TRAPPC10: variants seen among roughly 807,000 people sequenced by gnomAD.
TRAPPC10 encodes the protein trafficking protein particle complex subunit 10.
In TRAPPC10, 23 loss-of-function variants were observed where a neutral mutation model predicts 125.5. The ratio of observed to expected loss-of-function variants is 0.18; its 90% CI spans 0.13 to 0.26. The LOEUF (loss-of-function observed/expected upper bound fraction) is 0.26. Ranked by LOEUF, TRAPPC10 falls within the 10% of genes least tolerant of loss-of-function variation. The pLI is 1.00. For synonymous variants in TRAPPC10, 509 were observed against 518.0 expected (o/e 0.98, Z 0.24); for missense variants, 1,123 against 1,308.4 (o/e 0.86, Z 2.19).
chr21:44,059,899 T>C lies in TRAPPC10; in HGVS notation c.790+685T>C. On this transcript the variant is annotated intron_variant, in intron 6 of 22. Transcript: ENST00000291574. The surrounding 1 kb of genome is among the most constrained non-coding windows in gnomAD (Gnocchi z 4.4). ...GTATTCCTGGCTTGATTCCATTACC[T>C]GGTGTTGGACATTGGGTTCTTTTAT... is the stretch of plus-strand genomic sequence containing the variant. 5.3e-6 allele frequency: 1 copy of C among 188,022 alleles called. No individual in the cohort carries two copies. The highest frequency in any genetic ancestry group is 1.1e-5 in the Non-Finnish European group (1 of 91,452). 11.6% of individuals were successfully genotyped at this position (188,022 alleles called of 1,614,324 possible).
chr21:44,080,726 A>G (rs1425268603), intron 13 of TRAPPC10, among the ~76,000 whole-genome samples: 3 of 151,876 alleles, frequency 2.0e-5, no homozygotes, highest in Non-Finnish European at 2.9e-5. Flanking sequence ...TTTAGTAGAG[A>G]CAGTGTTTTG....
rs200168527 is a variant in TRAPPC10 at position 44,095,229 on chromosome 21, TTTTATTTA to T, written c.3168+1020_3168+1027del. The stretch of plus-strand genomic sequence containing the variant: ...CACCTGGCTAATTATTTTTATTTTA[TTTTATTTA>T]TTTATTTATTTATTTATTTATTTTC... On this transcript the variant is annotated intron_variant, in intron 20 of 22. Coordinates refer to ENST00000291574, the MANE Select transcript of TRAPPC10 (RefSeq NM_003274.5). Among the ~76,000 whole-genome samples the T allele has an allele frequency of 5.0e-4, 75 of 150,002 alleles. 1 individual carries two copies. The highest frequency in any genetic ancestry group is 2.7e-3 in the Admixed American group (40 of 15,064).
intron 7 of TRAPPC10, among the ~76,000 whole-genome samples, chr21:44,068,587 A>T (rs2036625013): frequency 6.6e-6 from 1 of 152,178 alleles, no homozygotes; most frequent in African/African-American, 2.4e-5. Context: ...GAGTTCCAAA[A>T]GGCAGTTGAG....
intron 7 of TRAPPC10, among the ~76,000 whole-genome samples, chr21:44,066,977 T>A (rs139229740): frequency 2.0e-5 from 3 of 152,366 alleles, no homozygotes; most frequent in African/African-American, 7.2e-5. Context: ...AGATACTTTC[T>A]TGAAGGCCAT....
At chr21:44,042,173 T>G (rs1345326110) in intron 3 of TRAPPC10, among the ~76,000 whole-genome samples, 1 of 152,188 alleles carries the variant, frequency 6.6e-6, no homozygotes, top group Non-Finnish European at 1.5e-5. Flanking sequence ...TCATTTGTAT[T>G]ATTTTCTTCT....
In TRAPPC10 at chr21:44,087,986, C is replaced by A; in HGVS notation, c.2769+58C>A. 1 of 1,459,188 alleles carries A rather than the reference C, an allele frequency of 6.9e-7. No homozygotes were observed. The highest frequency in any genetic ancestry group is 9.4e-7 in the Non-Finnish European group (1 of 1,062,220). 90.4% of individuals were successfully genotyped at this position (1,459,188 alleles called of 1,614,324 possible). A position where few individuals can be genotyped will look rare whatever the true frequency, so the allele number is the denominator to read the frequency against. On this transcript the variant is annotated intron_variant, in intron 17 of 22. Transcript: ENST00000291574. This position sits in a 1 kb window ranked among gnomAD's most constrained non-coding sequence, Gnocchi z 4.6. ...GGGGCGTCCGCCGCCCGCCTGCCTG[C>A]TGGGAAAGGCGATGTAGCGATGCCT... is the stretch of plus-strand genomic sequence containing the variant.
chr21:44,047,532 ATGTGTGTG>A (rs33940679), intron 3 of TRAPPC10, among the ~76,000 whole-genome samples: 9 of 142,824 alleles, frequency 6.3e-5, no homozygotes, highest in South Asian at 2.3e-4. Context: ...CTGGGGGAGT[ATGTGTGTG>A]TGTGTGTGTG....
intron 7 of TRAPPC10, among the ~76,000 whole-genome samples, chr21:44,066,546 C>T (rs1348343721): frequency 6.6e-6 from 1 of 152,152 alleles, no homozygotes; most frequent in Admixed American, 6.5e-5. Context: ...TCTAATTTTC[C>T]CTCCATTTAC....
chr21:44,059,553 C>T lies in TRAPPC10; in HGVS notation c.790+339C>T, dbSNP rs1308664014. ...AGAATCAGAGTGGACGTCCCTTTGC[C>T]TTCCATCCAGGGGTTATCTTTGGAA... On this transcript the variant is annotated intron_variant, in intron 6 of 22. Coordinates refer to ENST00000291574, the MANE Select transcript of TRAPPC10 (RefSeq NM_003274.5). The surrounding 1 kb of genome is among the most constrained non-coding windows in gnomAD (Gnocchi z 4.4). The T allele has an allele frequency of 1.4e-6, 1 of 723,040 alleles. No individual in the cohort carries two copies. The highest frequency in any genetic ancestry group is 2.6e-6 in the Non-Finnish European group (1 of 388,436). The allele number at this position is 723,040 out of a possible 1,614,324, so 44.8% of individuals were successfully genotyped here.
intron 3 of TRAPPC10, among the ~76,000 whole-genome samples, chr21:44,039,561 A>G (rs1282656540): frequency 6.6e-6 from 1 of 152,096 alleles, no homozygotes; most frequent in East Asian, 1.9e-4. Flanking sequence ...GCTGATAGGG[A>G]TGTGCCTTAG....
Position 44,082,652 on chromosome 21 carries a change from T to C in TRAPPC10, c.1724-136T>C. The stretch of plus-strand genomic sequence containing the variant: ...GGGGGGTGTGAAGATGGCAGGAGGC[T>C]GGGCTCAGCTGCTGTGCCCATCACT... On this transcript the variant is annotated intron_variant, in intron 13 of 22. Coordinates refer to ENST00000291574, the MANE Select transcript of TRAPPC10 (RefSeq NM_003274.5). The surrounding 1 kb of genome is among the most constrained non-coding windows in gnomAD (Gnocchi z 4.4). The C allele has an allele frequency of 3.3e-6, 3 of 921,474 alleles. No homozygotes were observed. The South Asian group carries it at 4.5e-5, about 14-fold the overall frequency. The allele number at this position is 921,474 out of a possible 1,614,324, so 57.1% of individuals were successfully genotyped here. A position where few individuals can be genotyped will look rare whatever the true frequency, so the allele number is the denominator to read the frequency against.
chr21:44,025,128 C>A (rs1247269226), intron 1 of TRAPPC10, among the ~76,000 whole-genome samples: 1 of 152,226 alleles, frequency 6.6e-6, no homozygotes, highest in Non-Finnish European at 1.5e-5. Flanking sequence ...TGTGGCCTTT[C>A]CGACGGGCCT....
At chr21:44,056,602 T>A (rs1169759326) in intron 5 of TRAPPC10, among the ~76,000 whole-genome samples, 1 of 152,142 alleles carries the variant, frequency 6.6e-6, no homozygotes, top group Admixed American at 6.5e-5. Context: ...CTGTAAAAAA[T>A]GATCATCTCA....
At chr21:44,047,794 TTAAG>T (rs2034960451) in intron 3 of TRAPPC10, among the ~76,000 whole-genome samples, 1 of 152,218 alleles carries the variant, frequency 6.6e-6, no homozygotes, top group Non-Finnish European at 1.5e-5. Context: ...TTTTTCTTAA[TTAAG>T]TATCTTCCAT....
intron 3 of TRAPPC10, among the ~76,000 whole-genome samples, chr21:44,048,797 GTTTTTTTTT>G (rs34892092): frequency 9.5e-6 from 1 of 105,612 alleles, no homozygotes; most frequent in Non-Finnish European, 1.9e-5. Flanking sequence ...CCCACCCTGT[GTTTTTTTTT>G]TTTTTTTTTT....
rs147874946 is a variant in TRAPPC10 at position 44,086,347 on chromosome 21, G to A, written c.2381-455G>A. ...AGGGGGAGCCACCTGACTGCTGACT[G>A]TTCTTAACCCAAAAGCCCGTGGCCT... On this transcript the variant is annotated intron_variant, in intron 15 of 22. Transcript: ENST00000291574. Among the ~76,000 whole-genome samples the A allele has an allele frequency of 3.0e-3, 456 of 152,344 alleles. 5 individuals are homozygous for A. Among genetic ancestry groups the A allele is most frequent in the African/African-American group, 0.01 (421 of 41,568 alleles).
chr21:44,040,423 A>G (rs1390011025), intron 3 of TRAPPC10, among the ~76,000 whole-genome samples: 4 of 151,902 alleles, frequency 2.6e-5, no homozygotes, highest in East Asian at 1.9e-4. Context: ...GGTCACTGCA[A>G]CCTCAACCTC....
intron 6 of TRAPPC10, among the ~76,000 whole-genome samples, chr21:44,060,915 TAC>T (rs34848979): frequency 0.023 from 3,070 of 132,060 alleles, 43 homozygotes; most frequent in African/African-American, 0.033. Context: ...CATACATACA[TAC>T]ACACACACAC....
Position 44,079,714 on chromosome 21 carries a change from A to C in TRAPPC10, c.1610+10A>C, listed in dbSNP as rs201402306. 9.3e-5 allele frequency: 149 copies of C among 1,596,828 alleles called. No individual in the cohort carries two copies. The highest frequency in any genetic ancestry group is 1.2e-4 in the Non-Finnish European group (144 of 1,175,992). ...TTGGACAAATTGAAAAGTATCCTTT[A>C]ATGTTTTCATGAAGCAGGAAAATTA... On this transcript the variant is annotated intron_variant, in intron 12 of 22. Coordinates refer to ENST00000291574, the MANE Select transcript of TRAPPC10 (RefSeq NM_003274.5).
Sources: gnomAD v4.1 joint callset for allele counts (sites outside exome capture counted in the v4.1 genomes callset) on GRCh38, gnomAD v4.1.1 for gene constraint, Gnocchi (gnomAD v3.1) non-coding constraint, MANE v1.5 for transcripts, NCBI Gene and HGNC (gene_info 2026-07-23, HGNC 2026-07-21) for gene names.